The following KIF12 variants were observed in gnomAD, a reference collection of about 807,000 sequenced individuals.
KIF12 encodes the protein kinesin-like protein KIF12.
Under a neutral mutation model 87.9 loss-of-function variants are expected in KIF12, and 80 were observed. The ratio of observed to expected loss-of-function variants is 0.91; its 90% CI spans 0.76 to 1.10. The LOEUF is 1.10. Ranked by LOEUF, KIF12 falls within the 50% of genes least tolerant of loss-of-function variation. KIF12 has a pLI of 0.00. For synonymous variants in KIF12, 353 were observed against 348.5 expected (o/e 1.01, Z -0.14); for missense variants, 819 against 865.3 (o/e 0.95, Z 0.67).
At position 114,094,250 on chromosome 9, in the gene KIF12, C is replaced by T. The variant is rs561028103; in HGVS notation, c.1244G>A (p.Arg415Gln). 3.3e-5 allele frequency: 53 copies of T among 1,613,986 alleles called. No individual in the cohort carries two copies. Among genetic ancestry groups the T allele is most frequent in the Middle Eastern group, 3.3e-4 (2 of 6,060 alleles). ...DCKASGLSGA[R>Q]VAWAQRNLYG... ...CAGGTTCCGCTGGGCCCAGGCCACC[C>T]GGGCTCCACTGAGCCCTGAGGCTGC... The change falls in exon 13 of 19, where the codon CGG (arginine) becomes CAG (glutamine). Residue 415 changes from arginine (R) to glutamine (Q), a missense_variant. Physicochemically the swap from Arg to Gln is conservative, Grantham distance 43. Transcript: ENST00000640217.
At chr9:114,094,506 C>CT in intron 11 of KIF12, 51 bp from the exon 12 acceptor site, 1 of 1,122,498 alleles carries the variant, frequency 8.9e-7, no homozygotes, top group Non-Finnish European at 1.3e-6. Context: ...AAGTCGTGCA[C>CT]TGCACAAGAA....
At position 114,091,686 on chromosome 9, in the gene KIF12, G is replaced by C. The variant is rs1847003935; in HGVS notation, c.*175C>G. 1.7e-6 allele frequency: 1 copy of C among 574,576 alleles called. No homozygotes were observed. The allele number at this position is 574,576 out of a possible 1,614,324, so 35.6% of individuals were successfully genotyped here. Reference sequence around the variant, plus strand: ...TCATGTATTTCATCCCCTGCTGCCTGGTTTCTCCTGAATCCCCTTGTTCCC... The same window carrying C: ...TCATGTATTTCATCCCCTGCTGCCTCGTTTCTCCTGAATCCCCTTGTTCCC... On this transcript the variant is annotated 3_prime_UTR_variant, in exon 19 of 19. Transcript: ENST00000640217.
At chr9:114,098,801 A>ATC in intron 3 of KIF12, 134 bp downstream of exon 3, 2 of 863,978 alleles carry the variant, frequency 2.3e-6, no homozygotes, top group African/African-American at 5.7e-5. Flanking sequence ...AGGGAGGGGC[A>ATC]CTCTGGGGAG....
chr9:114,099,229 A>G (rs1373956325), intron 1 of KIF12, 22 bp downstream of exon 1: 1 of 1,550,812 alleles, frequency 6.4e-7, no homozygotes, highest in East Asian at 2.4e-5. Context: ...GACTCCTCGA[A>G]CCTGTCTGAA....
chr9:114,092,870 G>T (rs1047398177), intron 16 of KIF12: 2 of 1,431,956 alleles, frequency 1.4e-6, no homozygotes, highest in Non-Finnish European at 1.8e-6. Context: ...ACCACGTCTG[G>T]TCTATTTCTG....
chr9:114,095,346 G>A lies in KIF12; in HGVS notation c.896-14C>T. 2 of 1,609,966 alleles carry A rather than the reference G, an allele frequency of 1.2e-6. No individual in the cohort carries two copies. Among genetic ancestry groups the A allele is most frequent in the Non-Finnish European group, 8.5e-7 (1 of 1,178,968 alleles). Reference sequence around the variant, plus strand: ...AGATGCAGTGACCTGGGGAGGGAGAGCAAGAGTTAGGAAGGTTACATCACT... The same window carrying A: ...AGATGCAGTGACCTGGGGAGGGAGAACAAGAGTTAGGAAGGTTACATCACT... On this transcript the variant is annotated splice_polypyrimidine_tract_variant and intron_variant, in intron 9 of 18. Coordinates refer to ENST00000640217, the MANE Select transcript of KIF12 (RefSeq NM_001388308.1).
intron 6 of KIF12, 22 bp downstream of exon 6, chr9:114,097,585 T>G (rs367617766): frequency 1.9e-6 from 3 of 1,613,494 alleles, no homozygotes; most frequent in Admixed American, 3.3e-5. Flanking sequence ...GGGCTGTCTT[T>G]CTATTCCTCT....
Position 114,093,879 on chromosome 9 carries a change from T to C in KIF12, c.1400+7A>G. 6.2e-7 allele frequency: 1 copy of C among 1,613,188 alleles called. No homozygotes were observed. The highest frequency in any genetic ancestry group is 8.5e-7 in the Non-Finnish European group (1 of 1,179,236). ...AGGCCTGGCTCCAAGCTGGTGGCTC[T>C]GCTTACCTCTCTAGTGCATGGACCT... On this transcript the variant is annotated splice_region_variant and intron_variant, in intron 14 of 18. Transcript: ENST00000640217.
In KIF12 at chr9:114,094,338, C is replaced by G; in HGVS notation, c.1222+15G>C. The G allele has an allele frequency of 6.2e-7, 1 of 1,611,904 alleles. No individual in the cohort carries two copies. Among genetic ancestry groups the G allele is most frequent in the Non-Finnish European group, 8.5e-7 (1 of 1,178,090 alleles). On this transcript the variant is annotated intron_variant, in intron 12 of 18. Transcript: ENST00000640217. ...ACCCTATCCCCATCCTACTCTGCCT[C>G]CAGGAAGCCCATACCCTTGCAGTCC...
Position 114,092,626 on chromosome 9 carries a change from G to A in KIF12, c.1613C>T (p.Ala538Val). The A allele has an allele frequency of 6.3e-7, 1 of 1,593,392 alleles. No homozygotes were observed. ...GGCAGATGGGGGCCTGCCACCTGAG[G>A]CCTCAGGGTCCAACACCTGTAGGAA... ...HHLPQVLDPEASGGRPPSARP... is the reference protein window; with the variant it reads ...HHLPQVLDPEVSGGRPPSARP... The change falls in exon 17 of 19, where the codon GCC becomes GTC. Residue 538 changes from alanine (A) to valine (V), a missense_variant. Ala to Val is a moderately conservative substitution (Grantham distance 64). Coordinates refer to ENST00000640217, the MANE Select transcript of KIF12 (RefSeq NM_001388308.1).
In KIF12 at chr9:114,093,499, T is replaced by G; in HGVS notation, c.1401-2A>C. 6.4e-7 allele frequency: 1 copy of G among 1,554,178 alleles called. No homozygotes were observed. The highest frequency in any genetic ancestry group is 8.7e-7 in the Non-Finnish European group (1 of 1,148,152). ...TGGTAGCAGGCAGAGAGGAGACGCC[T>G]AGAAAGAACAGCAGGGTCTATGCCT... On this transcript the variant is annotated splice_acceptor_variant, in intron 14 of 18. Coordinates refer to ENST00000640217, the MANE Select transcript of KIF12 (RefSeq NM_001388308.1). LOFTEE classifies it high-confidence loss of function.
rs1403015565 is a variant in KIF12, at chr9:114,096,563, C to T, written c.647-85G>A. The stretch of plus-strand genomic sequence containing the variant: ...AGAAAAAGGAGCAAAGGAATCCTGG[C>T]GGAAGGGTCAGCCTCATGCAAAGGC... On this transcript the variant is annotated intron_variant, in intron 7 of 18. Coordinates refer to ENST00000640217, the MANE Select transcript of KIF12 (RefSeq NM_001388308.1). 2.4e-5 allele frequency: 29 copies of T among 1,186,234 alleles called. 1 individual carries two copies. The highest frequency in any genetic ancestry group is 2.1e-4 in the South Asian group (16 of 76,030). 73.5% of individuals were successfully genotyped at this position (1,186,234 alleles called of 1,614,324 possible). A position where few individuals can be genotyped will look rare whatever the true frequency, so the allele number is the denominator to read the frequency against.
At chr9:114,098,265 C>G in intron 4 of KIF12, 37 bp downstream of exon 4, 2 of 1,507,812 alleles carry the variant, frequency 1.3e-6, no homozygotes, top group East Asian at 2.7e-5. Flanking sequence ...GGGGCCCCGC[C>G]AGGCCCGGCG....
Position 114,098,194 on chromosome 9 carries a change from C to T in KIF12, c.300-4G>A. The T allele has an allele frequency of 6.5e-7, 1 of 1,543,996 alleles. No homozygotes were observed. Among genetic ancestry groups the T allele is most frequent in the Admixed American group, 2.0e-5 (1 of 50,594 alleles). ...GGTGAAAACAGTGCAGGAGAAACTG[C>T]GGGCGGCAAGGGCGTGGCTGGACTC... On this transcript the variant is annotated splice_polypyrimidine_tract_variant and splice_region_variant and intron_variant, in intron 4 of 18. Transcript: ENST00000640217.
At position 114,092,599 on chromosome 9, in the gene KIF12, C is replaced by T. The variant is rs757329803; in HGVS notation, c.1640G>A (p.Arg547Gln). The T allele has an allele frequency of 1.2e-5, 20 of 1,603,486 alleles. No homozygotes were observed. The highest frequency in any genetic ancestry group is 3.4e-5 in the Admixed American group (2 of 58,790). ...EASGGRPPSA[R>Q]PPPWAPPCSP... ...GCATGGGGGTGCCCAGGGTGGGGGC[C>T]GGGCAGATGGGGGCCTGCCACCTGA... Residue 547 changes from arginine to glutamine, a missense_variant, in exon 17 of 19, where the codon CGG becomes CAG. Coordinates refer to ENST00000640217, the MANE Select transcript of KIF12 (RefSeq NM_001388308.1).
At chr9:114,098,504 A>AGGGGCGGGGCACCCT in intron 3 of KIF12, 75 bp from the exon 4 acceptor site, 3 of 401,234 alleles carry the variant, frequency 7.5e-6, no homozygotes, top group Non-Finnish European at 6.2e-6. Context: ...GGCACCGTGG[A>AGGGGCGGGGCACCCT]GGAGGGCGGG....
intron 7 of KIF12, among the ~76,000 whole-genome samples, 189 bp downstream of exon 7, chr9:114,097,112 C>T (rs1847263185): frequency 6.6e-6 from 1 of 152,168 alleles, no homozygotes. Context: ...GCAGAATTAG[C>T]AGGCCTTGTT....
chr9:114,094,193 T>C lies in KIF12; in HGVS notation c.1301A>G (p.Asn434Ser). The change falls in exon 13 of 19, where the codon AAT (asparagine) becomes AGT (serine). Residue 434 changes from asparagine (N) to serine (S), a missense_variant. Physicochemically the swap from Asn to Ser is conservative, Grantham distance 46. Coordinates refer to ENST00000640217, the MANE Select transcript of KIF12 (RefSeq NM_001388308.1). Reference protein sequence around the residue: ...YGMLQEFMLENERLRKEKSQL... With the variant: ...YGMLQEFMLESERLRKEKSQL... ...GGCTGTGCCCTACCTGAGCCTCTCA[T>C]TCTCTAGCATGAACTCCTGTAGCAT... The C allele has an allele frequency of 1.2e-6, 2 of 1,613,682 alleles. No individual in the cohort carries two copies. Among genetic ancestry groups the C allele is most frequent in the Non-Finnish European group, 1.7e-6 (2 of 1,179,852 alleles).
rs1359347171 is a variant in KIF12, at chr9:114,095,301, C to T, written c.927G>A (p.Gln309=). The change falls in exon 10 of 19, where the codon CAG becomes CAA. Residue 309 remains glutamine (Q), a synonymous_variant. Coordinates refer to ENST00000640217, the MANE Select transcript of KIF12 (RefSeq NM_001388308.1). ...GHCISLLLDP[Q]RKQSHIPFRD... is the part of the protein sequence containing the mutation. Reference sequence around the variant, plus strand: ...GGAAAGGGATGTGGCTCTGCTTCCGCTGTGGGTCCAGCAGCAGGGAGATGC... The same window carrying T: ...GGAAAGGGATGTGGCTCTGCTTCCGTTGTGGGTCCAGCAGCAGGGAGATGC... The T allele has an allele frequency of 6.2e-7, 1 of 1,613,692 alleles. No homozygotes were observed. Among genetic ancestry groups the T allele is most frequent in the Non-Finnish European group, 8.5e-7 (1 of 1,180,024 alleles).
Sources: allele counts gnomAD v4.1 joint callset (sites outside exome capture counted in the v4.1 genomes callset), GRCh38; gene constraint gnomAD v4.1.1; transcripts MANE v1.5; gene names NCBI Gene and HGNC (gene_info 2026-07-23, HGNC 2026-07-21).